The following WDR19 variants were observed in gnomAD, a reference collection of about 807,000 sequenced individuals.
WDR19 encodes the protein WD repeat-containing protein 19.
Under a neutral mutation model 180.0 loss-of-function variants are expected in WDR19, and 121 were observed. That is an observed-to-expected ratio of 0.67 (90% CI 0.58 to 0.78). WDR19 has a LOEUF of 0.78. Among genes scored for constraint, WDR19 ranks in the 30% least tolerant of loss-of-function variants. The pLI is 0.00. For missense variants in WDR19, 1,450 were observed against 1,640.7 expected (o/e 0.88, Z 2.01); for synonymous variants, 497 against 540.7 (o/e 0.92, Z 1.12).
Position 39,247,844 on chromosome 4 carries a change from T to C in WDR19, c.2729+2392T>C, listed in dbSNP as rs1390807980. Among the ~76,000 whole-genome samples the C allele has an allele frequency of 1.2e-4, 19 of 152,170 alleles. 1 individual carries two copies. Among genetic ancestry groups the C allele is most frequent in the Admixed American group, 1.1e-3 (17 of 15,266 alleles). On this transcript the variant is annotated intron_variant, in intron 24 of 36. Transcript: ENST00000399820. ...AAACGAACAAAGCCTCCAAGAAATATGGGACTATGTGAAAAGACCAAATCT... is the reference window on the plus strand; with the variant it reads ...AAACGAACAAAGCCTCCAAGAAATACGGGACTATGTGAAAAGACCAAATCT...
chr4:39,259,345 C>T (rs1032378962), intron 28 of WDR19, among the ~76,000 whole-genome samples: 23 of 152,188 alleles, frequency 1.5e-4, no homozygotes, highest in Non-Finnish European at 7.4e-5. Context: ...TGGTATGAAT[C>T]TGGTTTGGGA....
At position 39,273,078 on chromosome 4, in the gene WDR19, A is replaced by G; in HGVS notation, c.3565+17A>G. 1.3e-6 allele frequency: 2 copies of G among 1,590,304 alleles called. No homozygotes were observed. The highest frequency in any genetic ancestry group is 1.7e-6 in the Non-Finnish European group (2 of 1,167,410). ...TTCCATCACGTAAGTACCACTGACCAGAGCTCTCACCCATGCCCCATGCCC... is the reference window on the plus strand; with the variant it reads ...TTCCATCACGTAAGTACCACTGACCGGAGCTCTCACCCATGCCCCATGCCC... On this transcript the variant is annotated intron_variant, in intron 32 of 36. Coordinates refer to ENST00000399820, the MANE Select transcript of WDR19 (RefSeq NM_025132.4).
intron 28 of WDR19, 63 bp downstream of exon 28, chr4:39,257,617 AT>A: frequency 6.8e-7 from 1 of 1,465,744 alleles, no homozygotes; most frequent in Non-Finnish European, 9.3e-7. Context: ...CTTGAAAAAA[AT>A]TTTAAATATA....
chr4:39,231,889 A>G lies in WDR19; in HGVS notation c.2075A>G (p.Glu692Gly). ...GCTTGTCTACATCACATGGAAGTGG[A>G]GTTTGCAATCCGTGTTTATCGGAGA... ...ARACLHHMEV[E>G]FAIRVYRRIG... Residue 692 changes from glutamate to glycine, a missense_variant, in exon 18 of 37, where the codon GAG becomes GGG. Transcript: ENST00000399820. The G allele has an allele frequency of 1.2e-6, 2 of 1,613,642 alleles. No individual in the cohort carries two copies. Among genetic ancestry groups the G allele is most frequent in the Non-Finnish European group, 1.7e-6 (2 of 1,179,588 alleles).
At chr4:39,253,342 G>T in intron 25 of WDR19, 50 bp downstream of exon 25, 1 of 1,531,992 alleles carries the variant, frequency 6.5e-7, no homozygotes, top group South Asian at 1.2e-5. Flanking sequence ...AACCATAAAA[G>T]TAAGCCTCTG....
chr4:39,277,659 C>G (rs1736029924), intron 34 of WDR19, among the ~76,000 whole-genome samples: 1 of 152,120 alleles, frequency 6.6e-6, no homozygotes, highest in African/African-American at 2.4e-5. Flanking sequence ...TAAAACCTAG[C>G]TTTAATCCTT....
chr4:39,263,166 TG>T (rs1362747346), intron 28 of WDR19, among the ~76,000 whole-genome samples: 1 of 149,684 alleles, frequency 6.7e-6, no homozygotes, highest in Non-Finnish European at 1.5e-5. Context: ...TGGGAGATGA[TG>T]GGGAAGGTGG....
intron 17 of WDR19, among the ~76,000 whole-genome samples, chr4:39,229,117 G>T (rs971564371): frequency 6.6e-6 from 1 of 152,100 alleles, no homozygotes. Flanking sequence ...TGCTGCAAAA[G>T]ACATGATTTC....
At chr4:39,247,261 T>C (rs4561935) in intron 24 of WDR19, among the ~76,000 whole-genome samples, 51,613 of 151,938 alleles carry the variant, frequency 0.34, 8,922 homozygotes, top group African/African-American at 0.39. Context: ...GAGTGGACCT[T>C]CAGTAAACTC....
At chr4:39,284,551 C>G (rs926488829) in intron 36 of WDR19, among the ~76,000 whole-genome samples, 5 of 147,368 alleles carry the variant, frequency 3.4e-5, no homozygotes, top group Non-Finnish European at 7.4e-5. Flanking sequence ...GTTGCCCAGG[C>G]TGGTCTTGAA....
chr4:39,216,398 C>T (rs553072310), intron 12 of WDR19, among the ~76,000 whole-genome samples, 188 bp downstream of exon 12: 2 of 152,290 alleles, frequency 1.3e-5, no homozygotes, highest in South Asian at 4.1e-4. Flanking sequence ...TTATTCTTTA[C>T]CTTTGTAGTG....
chr4:39,214,530 T>A lies in WDR19; in HGVS notation c.891-71T>A, dbSNP rs1577896619. 3.3e-6 allele frequency: 3 copies of A among 905,188 alleles called. No homozygotes were observed. The East Asian group carries it at 8.2e-5, about 25-fold the overall frequency. 56.1% of individuals were successfully genotyped at this position (905,188 alleles called of 1,614,324 possible). ...CAGTAACCTATTCCATGGTTTGTAA[T>A]TTTTTGTGAATTAAAACAGTTTTAT... On this transcript the variant is annotated intron_variant, in intron 9 of 36. Coordinates refer to ENST00000399820, the MANE Select transcript of WDR19 (RefSeq NM_025132.4).
intron 32 of WDR19, chr4:39,274,563 G>A (rs1735709063): frequency 4.2e-6 from 2 of 478,390 alleles, no homozygotes; most frequent in Non-Finnish European, 7.5e-6. Flanking sequence ...GCCTCAAGGG[G>A]TGCAGGTCCT....
chr4:39,244,697 T>C, intron 23 of WDR19, 145 bp downstream of exon 23: 1 of 781,450 alleles, frequency 1.3e-6, no homozygotes, highest in South Asian at 1.9e-5. Context: ...TTGTTCTCCT[T>C]AGATAAGTTC....
chr4:39,275,773 G>A (rs574893120), intron 33 of WDR19, among the ~76,000 whole-genome samples: 70 of 152,246 alleles, frequency 4.6e-4, no homozygotes, highest in East Asian at 1.4e-3. Flanking sequence ...GAGAAGCAGC[G>A]AACTATGTCT....
chr4:39,212,107 CTATG>C (rs540107505), intron 9 of WDR19, among the ~76,000 whole-genome samples: 2 of 152,216 alleles, frequency 1.3e-5, no homozygotes, highest in East Asian at 3.9e-4. Context: ...ATCATCAAGA[CTATG>C]TATCATTGGC....
chr4:39,249,329 GGACA>G (rs1330555136), intron 24 of WDR19, among the ~76,000 whole-genome samples: 3 of 151,312 alleles, frequency 2.0e-5, no homozygotes, highest in Non-Finnish European at 4.4e-5. Flanking sequence ...AGAATCTCTG[GGACA>G]CATTCAAAGC....
intron 4 of WDR19, among the ~76,000 whole-genome samples, chr4:39,190,145 A>T (rs1725999691): frequency 2.0e-5 from 3 of 152,184 alleles, no homozygotes; most frequent in African/African-American, 7.2e-5. Flanking sequence ...TATTGACTTT[A>T]TTCTAAATCA....
chr4:39,278,557 C>T lies in WDR19; in HGVS notation c.3936C>T (p.Ser1312=), dbSNP rs200255703. The T allele has an allele frequency of 1.3e-4, 206 of 1,612,754 alleles. No individual in the cohort carries two copies. The highest frequency in any genetic ancestry group is 1.7e-4 in the Non-Finnish European group (200 of 1,179,126). Residue 1312 remains serine (S), a synonymous_variant, in exon 36 of 37, where the codon AGC becomes AGT. Coordinates refer to ENST00000399820, the MANE Select transcript of WDR19 (RefSeq NM_025132.4). The part of the protein sequence containing the change: ...SELKIMLNTE[S]TCPMCSERLN... ...TAAACAGCATGCTAAACACTGAAAG[C>T]ACATGTCCTATGTGTTCAGAAAGAT... is the stretch of plus-strand genomic sequence containing the variant.
Sources: gnomAD v4.1 joint callset for allele counts (sites outside exome capture counted in the v4.1 genomes callset) on GRCh38, gnomAD v4.1.1 for gene constraint, MANE v1.5 for transcripts, NCBI Gene and HGNC (gene_info 2026-07-23, HGNC 2026-07-21) for gene names.